SLC1A5: variants seen among roughly 807,000 people sequenced by gnomAD.
The protein encoded by SLC1A5 is solute carrier family 1 member 5.
A neutral mutation model predicts 34.9 loss-of-function variants in SLC1A5; 25 were observed. The ratio of observed to expected loss-of-function variants is 0.72; its 90% CI spans 0.52 to 1.00. SLC1A5 has a LOEUF of 1.00. SLC1A5 is among the 50% of genes least tolerant of loss of function. SLC1A5 has a pLI of 0.00. For missense variants in SLC1A5, 637 were observed against 740.0 expected (o/e 0.86, Z 1.61); for synonymous variants, 351 against 341.2 (o/e 1.03, Z -0.32).
intron 4 of SLC1A5, 37 bp downstream of exon 4, chr19:46,782,346 A>AACCCCCCCCCCC: frequency 9.3e-5 from 53 of 567,954 alleles, no homozygotes; most frequent in South Asian, 3.0e-4. Context: ...CGACCCTCCA[A>AACCCCCCCCCCC]CCCCACCCAC....
rs1204032494 is a variant in SLC1A5, at chr19:46,788,587, G to A, written c.-622C>T. 2 of 152,416 alleles carry A rather than the reference G, an allele frequency of 1.3e-5. No homozygotes were observed. The highest frequency in any genetic ancestry group is 2.9e-5 in the Non-Finnish European group (2 of 68,228). 9.4% of individuals were successfully genotyped at this position (152,416 alleles called of 1,614,324 possible). A position where few individuals can be genotyped will look rare whatever the true frequency, so the allele number is the denominator to read the frequency against. ...AGAGAAAGCCTCCCGGGCGTGCCGCGTGGCTCTGAGCCCGTTTAGCGGAAG... is the reference window on the plus strand; with the variant it reads ...AGAGAAAGCCTCCCGGGCGTGCCGCATGGCTCTGAGCCCGTTTAGCGGAAG... On this transcript the variant is annotated 5_prime_UTR_variant, in exon 1 of 8. It adds an upstream start codon to the 5' untranslated region. Coordinates refer to ENST00000542575, the MANE Select transcript of SLC1A5 (RefSeq NM_005628.3).
At chr19:46,782,246 G>A in intron 4 of SLC1A5, 137 bp downstream of exon 4, 1 of 672,302 alleles carries the variant, frequency 1.5e-6, no homozygotes, top group East Asian at 2.7e-5. Context: ...GTCAATGCTG[G>A]ATTTAAATGC....
At position 46,777,408 on chromosome 19, in the gene SLC1A5, G is replaced by GTGCTTGGCCACGC; in HGVS notation, c.1059-4_1059-3insGCGTGGCCAAGCA. ...TCATCAGCGGCAGCGTGGCGGAACT[G>GTGCTTGGCCACGC]CAAGGGATGGGGGAGCTGAGTTAGG... On this transcript the variant is annotated splice_region_variant and splice_polypyrimidine_tract_variant and intron_variant, in intron 5 of 7. Transcript: ENST00000542575. 1 of 1,604,154 alleles carries GTGCTTGGCCACGC rather than the reference G, an allele frequency of 6.2e-7. No individual in the cohort carries two copies. Among genetic ancestry groups the GTGCTTGGCCACGC allele is most frequent in the Non-Finnish European group, 8.5e-7 (1 of 1,174,924 alleles).
In SLC1A5 at chr19:46,775,108, CCCA is replaced by C. The variant is rs2055073929; in HGVS notation, c.*399_*401del. The stretch of plus-strand genomic sequence containing the variant: ...ACACACACGTGCACACACACATCCC[CCCA>C]CAACTACAGCCGCCAAAATAACCAG... On this transcript the variant is annotated 3_prime_UTR_variant, in exon 8 of 8. Transcript: ENST00000542575. The C allele has an allele frequency of 3.9e-6, 4 of 1,035,810 alleles. No individual in the cohort carries two copies. The highest frequency in any genetic ancestry group is 3.6e-5 in the South Asian group (1 of 27,426). 64.2% of individuals were successfully genotyped at this position (1,035,810 alleles called of 1,614,324 possible). A position where few individuals can be genotyped will look rare whatever the true frequency, so the allele number is the denominator to read the frequency against.
At chr19:46,778,646 T>C in intron 5 of SLC1A5, 29 bp downstream of exon 5, 2 of 1,235,844 alleles carry the variant, frequency 1.6e-6, no homozygotes, top group Admixed American at 3.8e-5. Flanking sequence ...GGATTAAACA[T>C]CCCACCCTAG....
At chr19:46,785,207 C>A (rs890441020) in intron 1 of SLC1A5, among the ~76,000 whole-genome samples, 2 of 152,114 alleles carry the variant, frequency 1.3e-5, no homozygotes, top group African/African-American at 4.8e-5. Context: ...ATGACGAAAC[C>A]GTGTCTCTAC....
At position 46,784,163 on chromosome 19, in the gene SLC1A5, A is replaced by G. The variant is rs761027199; in HGVS notation, c.610-19T>C. 9 of 1,603,294 alleles carry G rather than the reference A, an allele frequency of 5.6e-6. No homozygotes were observed. The highest frequency in any genetic ancestry group is 6.8e-6 in the Non-Finnish European group (8 of 1,170,500). On this transcript the variant is annotated intron_variant, in intron 2 of 7. Coordinates refer to ENST00000542575, the MANE Select transcript of SLC1A5 (RefSeq NM_005628.3). ...TAGAGTACTGTAGGTGGGGTTGGGAAGAGTCAGTGTCCATCGTTACCAGGG... is the reference window on the plus strand; with the variant it reads ...TAGAGTACTGTAGGTGGGGTTGGGAGGAGTCAGTGTCCATCGTTACCAGGG...
intron 1 of SLC1A5, among the ~76,000 whole-genome samples, chr19:46,785,226 C>T (rs551316613): frequency 6.6e-6 from 1 of 152,180 alleles, no homozygotes; most frequent in East Asian, 1.9e-4. Context: ...ACAAAAAATA[C>T]AAAAATTAGC....
chr19:46,775,777 G>A, intron 7 of SLC1A5, 30 bp from the exon 8 acceptor site: 1 of 1,603,116 alleles, frequency 6.2e-7, no homozygotes, highest in Non-Finnish European at 8.5e-7. Flanking sequence ...AGCAAAGTAA[G>A]CGGGAGGGGA....
intron 4 of SLC1A5, among the ~76,000 whole-genome samples, chr19:46,781,415 A>G (rs993294931): frequency 2.6e-5 from 4 of 152,156 alleles, no homozygotes; most frequent in Non-Finnish European, 5.9e-5. Flanking sequence ...CCTGACCAAC[A>G]TGGAGAAACC....
intron 3 of SLC1A5, among the ~76,000 whole-genome samples, chr19:46,783,089 A>G (rs2055159572): frequency 6.6e-6 from 1 of 152,172 alleles, no homozygotes. Context: ...TGTAGCAAGG[A>G]GACTGGACTT....
intron 4 of SLC1A5, among the ~76,000 whole-genome samples, chr19:46,780,699 G>A (rs147688176): frequency 2.0e-5 from 3 of 151,838 alleles, no homozygotes; most frequent in South Asian, 2.1e-4. Flanking sequence ...GGCCAGGAGC[G>A]GTGGCTCACA....
intron 4 of SLC1A5, 33 bp downstream of exon 4, chr19:46,782,350 C>CCCCCCCCCCCCCCCCCCACA: frequency 4.7e-6 from 3 of 631,602 alleles, no homozygotes; most frequent in African/African-American, 1.9e-5. Context: ...CCTCCAACCC[C>CCCCCCCCCCCCCCCCCCACA]ACCCACCCCC....
rs895261202 is a variant in SLC1A5 at position 46,775,482 on chromosome 19, G to A, written c.*28C>T. On this transcript the variant is annotated 3_prime_UTR_variant, in exon 8 of 8. Transcript: ENST00000542575. ...ATCCAGTGTCCAAAGAGCACCCCCA[G>A]CAGGGCAGGGAAGGTCCCTCCCGGG... 1 of 1,579,402 alleles carries A rather than the reference G, an allele frequency of 6.3e-7. No individual in the cohort carries two copies. Among genetic ancestry groups the A allele is most frequent in the Middle Eastern group, 1.7e-4 (1 of 5,848 alleles).
intron 1 of SLC1A5, chr19:46,784,909 T>A: frequency 2.4e-6 from 3 of 1,257,372 alleles, no homozygotes; most frequent in South Asian, 5.5e-5. Context: ...ACAGCTTGCA[T>A]CAGCCACTTC....
rs2055076023 is a variant in SLC1A5, at chr19:46,775,276, C to T, written c.*234G>A. ...ATTTCTCCATCTTGCTGTTTTCTAG[C>T]CTTGAGTTGGGGACATGAGTGAGAA... On this transcript the variant is annotated 3_prime_UTR_variant, in exon 8 of 8. Coordinates refer to ENST00000542575, the MANE Select transcript of SLC1A5 (RefSeq NM_005628.3). 1 of 1,277,046 alleles carries T rather than the reference C, an allele frequency of 7.8e-7. No homozygotes were observed. The highest frequency in any genetic ancestry group is 1.5e-5 in the African/African-American group (1 of 65,876). 79.1% of individuals were successfully genotyped at this position (1,277,046 alleles called of 1,614,324 possible). A position where few individuals can be genotyped will look rare whatever the true frequency, so the allele number is the denominator to read the frequency against.
intron 4 of SLC1A5, among the ~76,000 whole-genome samples, chr19:46,779,774 T>C (rs1349251409): frequency 2.6e-5 from 4 of 151,872 alleles, no homozygotes; most frequent in African/African-American, 9.7e-5. Flanking sequence ...GGCTCATACC[T>C]GTAATCCCAG....
rs1291182407 is a variant in SLC1A5 at position 46,775,673 on chromosome 19, C to A, written c.1463G>T (p.Arg488Leu). The change falls in exon 8 of 8, where the codon CGT (arginine) becomes CTT (leucine). Residue 488 changes from arginine to leucine, a missense_variant. Arg to Leu is a moderately radical substitution (Grantham distance 102). Transcript: ENST00000542575. ...AGGCTCTGTGCTTCTCGACTCCGTACGGTCCACGTAATTTTGGAGGAGTCC... is the reference window on the plus strand; with the variant it reads ...AGGCTCTGTGCTTCTCGACTCCGTAAGGTCCACGTAATTTTGGAGGAGTCC... ...GAGLLQNYVD[R>L]TESRSTEPEL... 3.1e-6 allele frequency: 5 copies of A among 1,613,972 alleles called. No homozygotes were observed. The African/African-American group carries it at 6.7e-5, about 22-fold the overall frequency.
At chr19:46,782,345 A>ACCCCCCCCCCCCC in intron 4 of SLC1A5, 38 bp downstream of exon 4, 7 of 292,422 alleles carry the variant, frequency 2.4e-5, no homozygotes, top group East Asian at 1.5e-4. Flanking sequence ...CCGACCCTCC[A>ACCCCCCCCCCCCC]ACCCCACCCA....
Sources: gnomAD v4.1 joint callset for allele counts (sites outside exome capture counted in the v4.1 genomes callset) on GRCh38, gnomAD v4.1.1 for gene constraint, MANE v1.5 for transcripts, NCBI Gene and HGNC (gene_info 2026-07-23, HGNC 2026-07-21) for gene names.